TMEM38B: variants seen among roughly 807,000 people sequenced by gnomAD.
TMEM38B encodes the protein trimeric intracellular cation channel type B.
TMEM38B carries 24 observed loss-of-function variants against 28.7 expected under a neutral mutation model. The observed-to-expected ratio is 0.84, with a 90% CI of 0.61 to 1.18. TMEM38B has a LOEUF of 1.18. Among genes scored for constraint, TMEM38B ranks in the 50% most tolerant of loss-of-function variants. The pLI is 0.00. For synonymous variants in TMEM38B, 131 were observed against 127.7 expected (o/e 1.03, Z -0.17); for missense variants, 380 against 350.9 (o/e 1.08, Z -0.66).
At chr9:105,754,079 A>G (rs1038133950) in intron 5 of TMEM38B, among the ~76,000 whole-genome samples, 2 of 152,386 alleles carry the variant, frequency 1.3e-5, no homozygotes, top group East Asian at 1.9e-4. Flanking sequence ...AGTGCATTGC[A>G]TAATGGTAAA....
intron 2 of TMEM38B, among the ~76,000 whole-genome samples, chr9:105,716,390 G>A (rs1836098445): frequency 2.0e-5 from 3 of 151,984 alleles, no homozygotes; most frequent in Non-Finnish European, 2.9e-5. Context: ...GTGTGTGTGT[G>A]TATATTTCCA....
intron 4 of TMEM38B, among the ~76,000 whole-genome samples, chr9:105,729,068 G>A (rs1588425417): frequency 6.6e-6 from 1 of 152,206 alleles, no homozygotes; most frequent in African/African-American, 2.4e-5. Flanking sequence ...TTGCTGTGCA[G>A]AAGCTCTTTA....
At chr9:105,700,805 T>C (rs1268879028) in intron 1 of TMEM38B, among the ~76,000 whole-genome samples, 2 of 152,142 alleles carry the variant, frequency 1.3e-5, no homozygotes, top group Non-Finnish European at 2.9e-5. Context: ...TGAGTCCCCA[T>C]GTAAAAACAG....
intron 4 of TMEM38B, among the ~76,000 whole-genome samples, chr9:105,747,562 G>A (rs1210004341): frequency 6.6e-6 from 1 of 151,664 alleles, no homozygotes; most frequent in African/African-American, 2.4e-5. Context: ...AGGGTTTTTT[G>A]TGTCTCTATC....
rs188056729 is a variant in TMEM38B at position 105,733,052 on chromosome 9, G to A, written c.542+10431G>A. On this transcript the variant is annotated intron_variant, in intron 4 of 5. Coordinates refer to ENST00000374692, the MANE Select transcript of TMEM38B (RefSeq NM_018112.3). Reference sequence around the variant, plus strand: ...CATGTAGTTGTGCGGTTTTGAGTGAGTTTCTTAATCCTGAGTTCCAATTTG... The same window carrying A: ...CATGTAGTTGTGCGGTTTTGAGTGAATTTCTTAATCCTGAGTTCCAATTTG... Among the ~76,000 whole-genome samples, 326 of 152,278 alleles carry A rather than the reference G, an allele frequency of 2.1e-3. 3 individuals carry two copies. Among genetic ancestry groups the A allele is most frequent in the African/African-American group, 7.6e-3 (316 of 41,554 alleles).
chr9:105,748,327 C>T lies in TMEM38B; in HGVS notation c.660+137C>T, dbSNP rs111640488. 4.3e-4 allele frequency: 272 copies of T among 631,022 alleles called. 2 individuals are homozygous for T. In the African/African-American group the frequency reaches 4.5e-3, roughly 10 times the overall value. The allele number at this position is 631,022 out of a possible 1,614,324, so 39.1% of individuals were successfully genotyped here. A position where few individuals can be genotyped will look rare whatever the true frequency, so the allele number is the denominator to read the frequency against. On this transcript the variant is annotated intron_variant, in intron 5 of 5. Coordinates refer to ENST00000374692, the MANE Select transcript of TMEM38B (RefSeq NM_018112.3). The stretch of plus-strand genomic sequence containing the variant: ...AAGAGGAATAATTTGGGGAGCTTTA[C>T]TCAGCACATCCATGACTTTCTGAAA...
At chr9:105,757,227 C>T (rs1837864802) in intron 5 of TMEM38B, among the ~76,000 whole-genome samples, 2 of 152,104 alleles carry the variant, frequency 1.3e-5, no homozygotes, top group South Asian at 2.1e-4. Context: ...CTGCAAATGC[C>T]ATTATTTTAT....
chr9:105,744,374 C>T (rs1837311755), intron 4 of TMEM38B, among the ~76,000 whole-genome samples: 2 of 151,818 alleles, frequency 1.3e-5, no homozygotes, highest in Non-Finnish European at 2.9e-5. Flanking sequence ...TGTCAACCTG[C>T]CATTTTTAAC....
At chr9:105,755,273 C>T (rs1392161860) in intron 5 of TMEM38B, among the ~76,000 whole-genome samples, 1 of 152,142 alleles carries the variant, frequency 6.6e-6, no homozygotes, top group Non-Finnish European at 1.5e-5. Context: ...AGAGACTCCT[C>T]CCTAACACAC....
At chr9:105,704,521 TATA>T (rs1835580911) in intron 1 of TMEM38B, among the ~76,000 whole-genome samples, 1 of 152,200 alleles carries the variant, frequency 6.6e-6, no homozygotes, top group Non-Finnish European at 1.5e-5. Context: ...ATTTAAAAAA[TATA>T]AGCCAGTTGT....
intron 2 of TMEM38B, among the ~76,000 whole-genome samples, chr9:105,713,490 G>A (rs371645566): frequency 6.6e-6 from 1 of 152,204 alleles, no homozygotes; most frequent in African/African-American, 2.4e-5. Flanking sequence ...CAGTGCTGAC[G>A]TGCCAGCCCC....
In TMEM38B at chr9:105,769,524, C is replaced by T. The variant is rs181705080; in HGVS notation, c.661-4341C>T. On this transcript the variant is annotated intron_variant, in intron 5 of 5. Transcript: ENST00000374692. ...ACAATTTTGGTTTCACTATGTTGCC[C>T]AGGCTGGTCTCAAACTTGGACTCAA... 4.6e-3 allele frequency among the ~76,000 whole-genome samples: 702 copies of T among 152,156 alleles called. 12 individuals are homozygous for T. Among genetic ancestry groups the T allele is most frequent in the Non-Finnish European group, 1.4e-3 (97 of 68,010 alleles).
rs1229383770 is a variant in TMEM38B at position 105,694,610 on chromosome 9, GC to G, written c.-50del. 6.6e-7 allele frequency: 1 copy of G among 1,518,790 alleles called. No individual in the cohort carries two copies. Among genetic ancestry groups the G allele is most frequent in the South Asian group, 1.1e-5 (1 of 89,000 alleles). 94.1% of individuals were successfully genotyped at this position (1,518,790 alleles called of 1,614,324 possible). A position where few individuals can be genotyped will look rare whatever the true frequency, so the allele number is the denominator to read the frequency against. ...CTCTCCTACTCCTCACCGCGCGAGC[GC>G]GGGGAACCAGTAGCCGCGGCTGCTT... is the stretch of plus-strand genomic sequence containing the variant. On this transcript the variant is annotated 5_prime_UTR_variant, in exon 1 of 6. Coordinates refer to ENST00000374692, the MANE Select transcript of TMEM38B (RefSeq NM_018112.3).
intron 2 of TMEM38B, among the ~76,000 whole-genome samples, chr9:105,708,488 G>T (rs569996847): frequency 2.4e-4 from 37 of 152,244 alleles, no homozygotes; most frequent in African/African-American, 8.9e-4. Context: ...TCACTCATGT[G>T]CTCAGTAATT....
At chr9:105,707,569 A>T (rs1248239589) in intron 2 of TMEM38B, among the ~76,000 whole-genome samples, 1 of 152,196 alleles carries the variant, frequency 6.6e-6, no homozygotes, top group Admixed American at 6.5e-5. Context: ...TAATAGTAGC[A>T]ATGGGAAAAA....
At chr9:105,715,772 G>A (rs6477452) in intron 2 of TMEM38B, among the ~76,000 whole-genome samples, 15,534 of 151,916 alleles carry the variant, frequency 0.1, 2,442 homozygotes, top group African/African-American at 0.34. Flanking sequence ...TTATTCTTAT[G>A]TGTGTTCTTT....
chr9:105,729,512 C>G (rs7862944), intron 4 of TMEM38B, among the ~76,000 whole-genome samples: 1 of 152,070 alleles, frequency 6.6e-6, no homozygotes, highest in Non-Finnish European at 1.5e-5. Flanking sequence ...AGTCAGGTAG[C>G]GTGATGCCTC....
At position 105,774,007 on chromosome 9, in the gene TMEM38B, G is replaced by A. The variant is rs148378635; in HGVS notation, c.803G>A (p.Gly268Glu). ...GCAAAGTCACCTTCCAATGGCGTTG[G>A]GTCATTGGCCTCAAAGCCGGTAGAT... is the stretch of plus-strand genomic sequence containing the variant. ...SEAKSPSNGV[G>E]SLASKPVDVA... Residue 268 changes from glycine (G) to glutamate (E), a missense_variant, in exon 6 of 6, where the codon GGG (glycine) becomes GAG (glutamate). Transcript: ENST00000374692. The A allele has an allele frequency of 2.0e-4, 316 of 1,613,710 alleles. No homozygotes were observed. In the African/African-American group the frequency reaches 3.2e-3, roughly 16 times the overall value.
rs149720164 is a variant in TMEM38B, at chr9:105,706,966, C to T, written c.269+1213C>T. 5.0e-3 allele frequency among the ~76,000 whole-genome samples: 757 copies of T among 152,148 alleles called. 12 individuals carry two copies. Among genetic ancestry groups the T allele is most frequent in the African/African-American group, 0.017 (723 of 41,526 alleles). ...TAATTTTCTGTATATTTAGTAGAGA[C>T]GGGGTTTCACAATGTTGGCCAGGCT... On this transcript the variant is annotated intron_variant, in intron 2 of 5. Coordinates refer to ENST00000374692, the MANE Select transcript of TMEM38B (RefSeq NM_018112.3).
Sources: allele counts gnomAD v4.1 joint callset (sites outside exome capture counted in the v4.1 genomes callset), GRCh38; gene constraint gnomAD v4.1.1; transcripts MANE v1.5; gene names NCBI Gene and HGNC (gene_info 2026-07-23, HGNC 2026-07-21).